KATNIP: variants seen among roughly 807,000 people sequenced by gnomAD.
KATNIP encodes katanin interacting protein, also known as katanin-interacting protein.
Under a neutral mutation model 174.0 loss-of-function variants are expected in KATNIP, and 126 were observed. That is an observed-to-expected ratio of 0.72 (90% CI 0.63 to 0.84). The LOEUF (loss-of-function observed/expected upper bound fraction) is 0.84, where lower values mean the gene tolerates loss of function less well. KATNIP is among the 40% of genes least tolerant of loss of function. The pLI, the probability that KATNIP is intolerant of heterozygous loss-of-function variation, is 0.00. For missense variants in KATNIP, 1,958 were observed against 2,109.7 expected (o/e 0.93, Z 1.41); for synonymous variants, 810 against 835.7 (o/e 0.97, Z 0.53).
At chr16:27,721,151 G>GT (rs1387028911) in intron 13 of KATNIP, among the ~76,000 whole-genome samples, 4 of 152,230 alleles carry the variant, frequency 2.6e-5, no homozygotes, top group African/African-American at 4.8e-5. Context: ...ATTCATCAGG[G>GT]TTTTACAAAA....
intron 6 of KATNIP, among the ~76,000 whole-genome samples, chr16:27,673,671 G>T (rs995098489): frequency 6.6e-6 from 1 of 152,142 alleles, no homozygotes; most frequent in Admixed American, 6.5e-5. Context: ...CCCCAGTTGT[G>T]ATCAAAAAAA....
intron 6 of KATNIP, among the ~76,000 whole-genome samples, chr16:27,655,673 C>T (rs1003078392): frequency 2.0e-5 from 3 of 152,138 alleles, no homozygotes; most frequent in South Asian, 2.1e-4. Context: ...ACATCCATCA[C>T]GACGTTAACC....
intron 2 of KATNIP, among the ~76,000 whole-genome samples, chr16:27,579,821 GA>G (rs933761665): frequency 7.2e-5 from 11 of 152,202 alleles, no homozygotes; most frequent in African/African-American, 2.6e-4. Context: ...CACCCAACTA[GA>G]AAATGTTAAG....
intron 8 of KATNIP, among the ~76,000 whole-genome samples, chr16:27,688,848 C>G (rs1269765112): frequency 6.6e-6 from 1 of 152,156 alleles, no homozygotes; most frequent in Non-Finnish European, 1.5e-5. Context: ...GTGAGAGAGA[C>G]AGTTCTTTTC....
At chr16:27,613,409 G>A (rs1031549023) in intron 2 of KATNIP, among the ~76,000 whole-genome samples, 1 of 152,244 alleles carries the variant, frequency 6.6e-6, no homozygotes, top group African/African-American at 2.4e-5. Flanking sequence ...TGGCAAAGGA[G>A]GATCGATGCA....
In KATNIP at chr16:27,637,806, G is replaced by A. The variant is rs1265540053; in HGVS notation, c.408+6644G>A. 6.6e-6 allele frequency among the ~76,000 whole-genome samples: 1 copy of A among 152,232 alleles called. No homozygotes were observed. The highest frequency in any genetic ancestry group is 2.4e-5 in the African/African-American group (1 of 41,466). On this transcript the variant is annotated intron_variant, in intron 5 of 27. Transcript: ENST00000261588. This position sits in a 1 kb window ranked among gnomAD's most constrained non-coding sequence, Gnocchi z 4.7. ...AATCTAAATGTGAGAATTTCCAAGAGGGTTGAAACAGTAGAGCGCCACGTT... is the reference window on the plus strand; with the variant it reads ...AATCTAAATGTGAGAATTTCCAAGAAGGTTGAAACAGTAGAGCGCCACGTT...
At chr16:27,748,520 G>A (rs1016688188) in intron 15 of KATNIP, among the ~76,000 whole-genome samples, 3 of 152,216 alleles carry the variant, frequency 2.0e-5, no homozygotes, top group African/African-American at 7.2e-5. Flanking sequence ...GAGCCTGGGA[G>A]GTTAAGGCCA....
chr16:27,588,545 A>T (rs961603505), intron 2 of KATNIP, among the ~76,000 whole-genome samples: 1 of 151,942 alleles, frequency 6.6e-6, no homozygotes, highest in African/African-American at 2.4e-5. Flanking sequence ...GTACAGTCAC[A>T]GCTCACTGTA....
At chr16:27,611,781 C>T (rs377651121) in intron 2 of KATNIP, among the ~76,000 whole-genome samples, 1 of 152,212 alleles carries the variant, frequency 6.6e-6, no homozygotes, top group African/African-American at 2.4e-5. Context: ...CACACCCACA[C>T]CTCCAAATCC....
At chr16:27,582,551 A>G (rs1389995162) in intron 2 of KATNIP, among the ~76,000 whole-genome samples, 2 of 152,192 alleles carry the variant, frequency 1.3e-5, no homozygotes, top group Non-Finnish European at 2.9e-5. Context: ...AACATTGACA[A>G]CTTCTGATTT....
chr16:27,661,961 T>C (rs868483547), intron 6 of KATNIP, among the ~76,000 whole-genome samples: 15 of 30,554 alleles, frequency 4.9e-4, no homozygotes, highest in African/African-American at 1.6e-3. Flanking sequence ...TATATACACA[T>C]ACATATATAT....
intron 15 of KATNIP, among the ~76,000 whole-genome samples, chr16:27,744,052 G>A (rs1055232941): frequency 6.6e-6 from 1 of 152,214 alleles, no homozygotes; most frequent in Admixed American, 6.5e-5. Context: ...TTTCATGCTT[G>A]TTAAGTCAGT....
At chr16:27,712,455 G>A (rs1220323359) in intron 13 of KATNIP, among the ~76,000 whole-genome samples, 1 of 152,200 alleles carries the variant, frequency 6.6e-6, no homozygotes, top group Non-Finnish European at 1.5e-5. Flanking sequence ...ACCAATGAGA[G>A]AAAACAAGAT....
intron 1 of KATNIP, among the ~76,000 whole-genome samples, chr16:27,554,427 T>C (rs374500053): frequency 2.0e-5 from 3 of 152,308 alleles, no homozygotes; most frequent in East Asian, 3.9e-4. Context: ...ATCATGCCAC[T>C]GTATTGCAGC....
chr16:27,738,362 T>C (rs1418675295), intron 14 of KATNIP, among the ~76,000 whole-genome samples: 2 of 152,146 alleles, frequency 1.3e-5, no homozygotes, highest in African/African-American at 2.4e-5. Context: ...GATGGCTTCA[T>C]TGGCGTAGAC....
At chr16:27,551,427 A>G (rs937233348) in intron 1 of KATNIP, among the ~76,000 whole-genome samples, 8 of 152,198 alleles carry the variant, frequency 5.3e-5, no homozygotes, top group African/African-American at 1.9e-4. Context: ...TGGAAAGGTC[A>G]ATGTAATGTT....
chr16:27,654,840 A>G, intron 6 of KATNIP: 1 of 1,125,172 alleles, frequency 8.9e-7, no homozygotes, highest in South Asian at 1.3e-5. Context: ...GAGTCTAGGA[A>G]AACCACAGGG....
chr16:27,622,603 C>T (rs1037938076), intron 3 of KATNIP, among the ~76,000 whole-genome samples: 2 of 152,166 alleles, frequency 1.3e-5, no homozygotes, highest in African/African-American at 4.8e-5. Context: ...ATTTGCTCTC[C>T]AGGTCCAAGA....
chr16:27,670,927 C>T (rs1205889895), intron 6 of KATNIP, among the ~76,000 whole-genome samples: 1 of 152,146 alleles, frequency 6.6e-6, no homozygotes, highest in East Asian at 1.9e-4. Context: ...CGTAGTGGCT[C>T]ACACCTGTAA....
Sources: gnomAD v4.1 joint callset for allele counts (sites outside exome capture counted in the v4.1 genomes callset) on GRCh38, gnomAD v4.1.1 for gene constraint, Gnocchi (gnomAD v3.1) non-coding constraint, MANE v1.5 for transcripts, NCBI Gene and HGNC (gene_info 2026-07-23, HGNC 2026-07-21) for gene names.